Variants in ARHGAP10 observed in about 807,000 individuals in gnomAD.
ARHGAP10 encodes the protein Rho GTPase activating protein 10.
In ARHGAP10, 87 loss-of-function variants were observed where a neutral mutation model predicts 108.6. The ratio of observed to expected loss-of-function variants is 0.80; its 90% CI spans 0.67 to 0.96. The LOEUF (loss-of-function observed/expected upper bound fraction) is 0.96, where lower values mean the gene tolerates loss of function less well. ARHGAP10 is among the 40% of genes least tolerant of loss of function. The probability of loss-of-function intolerance (pLI) is 0.00; values close to 1 mark genes in which losing one functional copy is unlikely to be tolerated. For missense variants in ARHGAP10, 939 were observed against 954.5 expected, an observed-to-expected ratio of 0.98 and a Z score of 0.21; for synonymous variants, 347 against 341.1, an observed-to-expected ratio of 1.02 and a Z score of -0.19.
At chr4:147,915,629 T>C (rs1370299976) in intron 13 of ARHGAP10, among the ~76,000 whole-genome samples, 2 of 152,308 alleles carry the variant, frequency 1.3e-5, no homozygotes, top group East Asian at 3.9e-4. Flanking sequence ...ATATAGATGT[T>C]GAATAGGTCT....
intron 20 of ARHGAP10, among the ~76,000 whole-genome samples, chr4:148,055,746 G>T (rs569746308): frequency 1.3e-5 from 2 of 152,258 alleles, no homozygotes; most frequent in East Asian, 3.9e-4. Flanking sequence ...CTGCTTTTAC[G>T]TGCTGGCTTC....
intron 3 of ARHGAP10, among the ~76,000 whole-genome samples, chr4:147,841,491 T>G (rs966993564): frequency 1.3e-5 from 2 of 152,310 alleles, no homozygotes; most frequent in South Asian, 4.1e-4. Flanking sequence ...TTAGGGACAG[T>G]CCTAGATTTG....
chr4:148,047,180 G>T, intron 20 of ARHGAP10, 129 bp downstream of exon 20: 4 of 1,128,344 alleles, frequency 3.5e-6, no homozygotes, highest in Non-Finnish European at 4.9e-6. Context: ...TTTCTTATCA[G>T]AAGGGCCACC....
intron 1 of ARHGAP10, among the ~76,000 whole-genome samples, chr4:147,740,850 C>G (rs1728625796): frequency 1.3e-5 from 2 of 152,214 alleles, no homozygotes; most frequent in African/African-American, 4.8e-5. Flanking sequence ...CCCCCTCCCC[C>G]CAGCTTAATG....
chr4:147,784,760 TGTATATTATAAATATA>T (rs1278508842), intron 1 of ARHGAP10, among the ~76,000 whole-genome samples: 11 of 53,128 alleles, frequency 2.1e-4, no homozygotes, highest in African/African-American at 6.7e-4. Context: ...TATTATAAAA[TGTATATTATAAATATA>T]ATATATTATA....
At position 148,055,041 on chromosome 4, in the gene ARHGAP10, A is replaced by G. The variant is rs536250449; in HGVS notation, c.2027+7990A>G. Among the ~76,000 whole-genome samples the G allele has an allele frequency of 3.9e-5, 6 of 152,348 alleles. No individual in the cohort carries two copies. In the South Asian group the frequency reaches 1.0e-3, roughly 26 times the overall value. ...GTTACAGTTCCTTTTCTGTTCAACT[A>G]GCAAGCTAAAGTTCAGCCCTCTTAC... On this transcript the variant is annotated intron_variant, in intron 20 of 22. Coordinates refer to ENST00000336498, the MANE Select transcript of ARHGAP10 (RefSeq NM_024605.4).
At chr4:147,809,357 A>G (rs563569162) in intron 1 of ARHGAP10, 6 of 152,184 alleles carry the variant, frequency 3.9e-5, no homozygotes, top group Admixed American at 3.3e-4. Context: ...GCTAACATGC[A>G]TTTTTTTTCT....
intron 13 of ARHGAP10, among the ~76,000 whole-genome samples, chr4:147,922,549 G>A (rs889789438): frequency 3.3e-5 from 5 of 150,382 alleles, no homozygotes; most frequent in African/African-American, 4.9e-5. Context: ...ATAGCCGGGC[G>A]TAGTGGCGGG....
chr4:147,752,601 C>T (rs1328108597), intron 1 of ARHGAP10, among the ~76,000 whole-genome samples: 1 of 150,922 alleles, frequency 6.6e-6, no homozygotes, highest in Admixed American at 6.6e-5. Context: ...GATCTTGGCT[C>T]ACTGCAACCT....
At chr4:147,903,743 G>A (rs534598956) in intron 10 of ARHGAP10, among the ~76,000 whole-genome samples, 1 of 152,296 alleles carries the variant, frequency 6.6e-6, no homozygotes, top group South Asian at 2.1e-4. Context: ...TCACTGAGTA[G>A]CATACATTTA....
chr4:148,051,257 C>G (rs1048844369), intron 20 of ARHGAP10, among the ~76,000 whole-genome samples: 2 of 152,192 alleles, frequency 1.3e-5, no homozygotes, highest in Non-Finnish European at 2.9e-5. Flanking sequence ...CGATGGGTGA[C>G]TTCATTGCCA....
intron 16 of ARHGAP10, among the ~76,000 whole-genome samples, chr4:147,962,339 A>C (rs1372820053): frequency 2.0e-5 from 3 of 152,246 alleles, no homozygotes; most frequent in East Asian, 3.8e-4. Flanking sequence ...CAACAACAGT[A>C]CTAATGGCTA....
intron 22 of ARHGAP10, among the ~76,000 whole-genome samples, chr4:148,068,166 CAG>C (rs1439592427): frequency 1.3e-5 from 2 of 152,102 alleles, no homozygotes; most frequent in African/African-American, 4.8e-5. Context: ...GTTAGATGGG[CAG>C]TGGTTGCCTC....
intron 10 of ARHGAP10, among the ~76,000 whole-genome samples, chr4:147,890,168 G>A (rs75243581): frequency 6.6e-6 from 1 of 152,192 alleles, no homozygotes; most frequent in Non-Finnish European, 1.5e-5. Flanking sequence ...TAAATCCTAA[G>A]GTTGGGAAAT....
intron 18 of ARHGAP10, among the ~76,000 whole-genome samples, chr4:148,015,364 A>C (rs1026592341): frequency 2.0e-5 from 3 of 152,194 alleles, no homozygotes; most frequent in Admixed American, 6.5e-5. Context: ...TGGTATGAAT[A>C]TGAGCAAATC....
chr4:147,857,193 C>T (rs1029591162), intron 4 of ARHGAP10, among the ~76,000 whole-genome samples: 6 of 152,154 alleles, frequency 3.9e-5, no homozygotes, highest in African/African-American at 1.2e-4. Flanking sequence ...AAATCTGGAG[C>T]AAGTTTGCTT....
chr4:147,971,093 CAAAAAAAAAAA>C (rs59721708), intron 18 of ARHGAP10, among the ~76,000 whole-genome samples: 6 of 74,272 alleles, frequency 8.1e-5, no homozygotes, highest in African/African-American at 2.3e-4. Context: ...GACTCTGTCT[CAAAAAAAAAAA>C]AAAAAAAAAA....
rs781130643 is a variant in ARHGAP10, at chr4:147,946,715, C to G, written c.1391+11C>G. 7.2e-5 allele frequency: 113 copies of G among 1,575,764 alleles called. No individual in the cohort carries two copies. Among genetic ancestry groups the G allele is most frequent in the Non-Finnish European group, 8.8e-5 (102 of 1,162,478 alleles). ...GAAACAGTATTTGAGGTAAGCTCCT[C>G]TCAGTAGCAAGAAAGAAGAATGGAC... On this transcript the variant is annotated intron_variant, in intron 15 of 22. Transcript: ENST00000336498.
chr4:147,852,128 T>C (rs1276233810), intron 4 of ARHGAP10, among the ~76,000 whole-genome samples: 1 of 152,204 alleles, frequency 6.6e-6, no homozygotes, highest in East Asian at 1.9e-4. Flanking sequence ...CATGACTTGC[T>C]CCCCATCACC....
Sources: allele counts gnomAD v4.1 joint callset (sites outside exome capture counted in the v4.1 genomes callset), GRCh38; gene constraint gnomAD v4.1.1; transcripts MANE v1.5; gene names NCBI Gene and HGNC (gene_info 2026-07-23, HGNC 2026-07-21).